Variants in SEC24B observed in about 807,000 individuals in gnomAD.
SEC24B encodes SEC24 homolog B, COPII component.
In SEC24B, 45 loss-of-function variants were observed where a neutral mutation model predicts 142.8. The observed-to-expected ratio is 0.32, with a 90% CI of 0.25 to 0.40. SEC24B has a LOEUF of 0.40. Ranked by LOEUF, SEC24B falls within the 10% of genes least tolerant of loss-of-function variation. The probability of loss-of-function intolerance (pLI) is 1.00; values close to 1 mark genes in which losing one functional copy is unlikely to be tolerated. For synonymous variants in SEC24B, 574 were observed against 568.2 expected, an observed-to-expected ratio of 1.01 and a Z score of -0.15; for missense variants, 1,409 against 1,526.8, an observed-to-expected ratio of 0.92 and a Z score of 1.29.
intron 1 of SEC24B, among the ~76,000 whole-genome samples, chr4:109,451,249 G>C (rs1311318154): frequency 2.6e-5 from 4 of 152,028 alleles, no homozygotes; most frequent in African/African-American, 9.7e-5. Flanking sequence ...ACAGGGTCTT[G>C]CTCCATTGCC....
intron 14 of SEC24B, among the ~76,000 whole-genome samples, chr4:109,522,541 G>A (rs1316209396): frequency 6.6e-6 from 1 of 152,184 alleles, no homozygotes; most frequent in Non-Finnish European, 1.5e-5. Flanking sequence ...TGACTCCAGT[G>A]TTCTTTTCTA....
chr4:109,533,298 T>A (rs546153651), intron 21 of SEC24B, among the ~76,000 whole-genome samples: 1 of 152,246 alleles, frequency 6.6e-6, no homozygotes, highest in Non-Finnish European at 1.5e-5. Context: ...CAGACAGTAA[T>A]GAAATAGTGG....
At chr4:109,495,717 G>C (rs113169015) in intron 6 of SEC24B, among the ~76,000 whole-genome samples, 7 of 152,256 alleles carry the variant, frequency 4.6e-5, no homozygotes, top group African/African-American at 1.2e-4. Context: ...TTGTCTGCTC[G>C]TGTGACTGGC....
At chr4:109,530,916 AAAAAG>A (rs1443412380) in intron 19 of SEC24B, among the ~76,000 whole-genome samples, 16 of 151,324 alleles carry the variant, frequency 1.1e-4, no homozygotes, top group Admixed American at 2.6e-4. Context: ...AAAAAAAAAA[AAAAAG>A]AAAAGATCAG....
In SEC24B at chr4:109,530,555, A is replaced by G. The variant is rs1023085526; in HGVS notation, c.3252+91A>G. 6 of 1,014,828 alleles carry G rather than the reference A, an allele frequency of 5.9e-6. No individual in the cohort carries two copies. In the African/African-American group the frequency reaches 9.8e-5, roughly 17 times the overall value. The allele number at this position is 1,014,828 out of a possible 1,614,324, so 62.9% of individuals were successfully genotyped here. ...AAGGAAATCTAGGTTGTTTTCTAAT[A>G]CTTAACTAGAGGATTATTCACTTTA... On this transcript the variant is annotated intron_variant, in intron 19 of 23. Coordinates refer to ENST00000265175, the MANE Select transcript of SEC24B (RefSeq NM_006323.5).
intron 10 of SEC24B, among the ~76,000 whole-genome samples, chr4:109,516,312 T>C (rs1457796907): frequency 1.3e-5 from 2 of 152,202 alleles, no homozygotes; most frequent in African/African-American, 2.4e-5. Flanking sequence ...TAACTGTGGC[T>C]GTGTATCAAC....
At chr4:109,474,934 T>G (rs182707600) in intron 3 of SEC24B, among the ~76,000 whole-genome samples, 1 of 152,364 alleles carries the variant, frequency 6.6e-6, no homozygotes, top group African/African-American at 2.4e-5. Flanking sequence ...ATTCACATAT[T>G]AATCTTATGA....
chr4:109,482,252 A>G (rs1733814435), intron 4 of SEC24B, among the ~76,000 whole-genome samples: 1 of 152,198 alleles, frequency 6.6e-6, no homozygotes, highest in Non-Finnish European at 1.5e-5. Context: ...CTTGTCATGT[A>G]TTTAGAAGGC....
chr4:109,451,473 T>TA lies in SEC24B; in HGVS notation c.134-11427dup, dbSNP rs1366445185. On this transcript the variant is annotated intron_variant, in intron 1 of 23. Transcript: ENST00000265175. ...ACTCCCAAAGTGCCAATACTATTGA[T>TA]ACTTACTTTTGTTGCTCAGATTATT... Among the ~76,000 whole-genome samples, 3 of 152,074 alleles carry TA rather than the reference T, an allele frequency of 2.0e-5. No individual in the cohort carries two copies. The East Asian group carries it at 5.8e-4, about 29-fold the overall frequency.
intron 6 of SEC24B, among the ~76,000 whole-genome samples, chr4:109,503,824 A>C (rs888131104): frequency 6.6e-6 from 1 of 151,900 alleles, no homozygotes; most frequent in Non-Finnish European, 1.5e-5. Context: ...TACATAATGT[A>C]AATAAGTCTC....
At position 109,533,534 on chromosome 4, in the gene SEC24B, T is replaced by C. The variant is rs1554011974; in HGVS notation, c.3496-59T>C. 37 of 1,028,016 alleles carry C rather than the reference T, an allele frequency of 3.6e-5. No individual in the cohort carries two copies. The South Asian group carries it at 4.6e-4, about 13-fold the overall frequency. 63.7% of individuals were successfully genotyped at this position (1,028,016 alleles called of 1,614,324 possible). The stretch of plus-strand genomic sequence containing the variant: ...ATTTGAGGTGATAATTTTGAGAACA[T>C]TAATGAAAATGAATTAACTATTAGG... On this transcript the variant is annotated intron_variant, in intron 21 of 23. Transcript: ENST00000265175.
chr4:109,435,362 A>G (rs1443057849), intron 1 of SEC24B, among the ~76,000 whole-genome samples: 1 of 152,236 alleles, frequency 6.6e-6, no homozygotes, highest in Non-Finnish European at 1.5e-5. Context: ...TTGTTCTTGT[A>G]ACCTTAATAT....
intron 11 of SEC24B, among the ~76,000 whole-genome samples, chr4:109,519,777 G>A (rs1723406225): frequency 1.3e-5 from 2 of 152,128 alleles, no homozygotes; most frequent in Admixed American, 1.3e-4. Flanking sequence ...TTCTTGCTTC[G>A]ATGCATATTC....
Position 109,539,820 on chromosome 4 carries a change from T to A in SEC24B, c.*145T>A. ...CTCTGTCTGAGGCTTTGGTAAAAAGTAAAGGGGAAGAAAGAACTTGACAGA... is the reference window on the plus strand; with the variant it reads ...CTCTGTCTGAGGCTTTGGTAAAAAGAAAAGGGGAAGAAAGAACTTGACAGA... On this transcript the variant is annotated 3_prime_UTR_variant, in exon 24 of 24. Transcript: ENST00000265175. 1 of 598,492 alleles carries A rather than the reference T, an allele frequency of 1.7e-6. No homozygotes were observed. The highest frequency in any genetic ancestry group is 2.9e-6 in the Non-Finnish European group (1 of 341,064). The allele number at this position is 598,492 out of a possible 1,614,324, so 37.1% of individuals were successfully genotyped here.
chr4:109,490,234 C>G (rs1229071087), intron 4 of SEC24B, among the ~76,000 whole-genome samples: 1 of 152,030 alleles, frequency 6.6e-6, no homozygotes, highest in South Asian at 2.1e-4. Context: ...CAGTCTTTGC[C>G]TCCAAATCAT....
intron 14 of SEC24B, 132 bp from the exon 15 acceptor site, chr4:109,524,686 C>T: frequency 4.6e-6 from 3 of 656,798 alleles, no homozygotes; most frequent in South Asian, 5.8e-5. Flanking sequence ...AGGGAATCTG[C>T]ACCAAATGCC....
At chr4:109,463,720 G>T in intron 2 of SEC24B, 76 bp downstream of exon 2, 3 of 1,521,808 alleles carry the variant, frequency 2.0e-6, no homozygotes, top group Non-Finnish European at 1.8e-6. Context: ...TTTACATGAA[G>T]GTTAGAGGTG....
At chr4:109,493,695 C>G (rs897693612) in intron 5 of SEC24B, among the ~76,000 whole-genome samples, 6 of 150,754 alleles carry the variant, frequency 4.0e-5, no homozygotes, top group Non-Finnish European at 7.4e-5. Flanking sequence ...ATGGCGCAAT[C>G]TCGGCTCACT....
intron 5 of SEC24B, among the ~76,000 whole-genome samples, chr4:109,492,034 C>G (rs930363959): frequency 4.6e-5 from 7 of 152,012 alleles, no homozygotes; most frequent in Admixed American, 4.6e-4. Flanking sequence ...TCTCTCTTTT[C>G]CTAATGATTC....
Sources: allele counts gnomAD v4.1 joint callset (sites outside exome capture counted in the v4.1 genomes callset), GRCh38; gene constraint gnomAD v4.1.1; transcripts MANE v1.5; gene names NCBI Gene and HGNC (gene_info 2026-07-23, HGNC 2026-07-21).